NTM: variants seen among roughly 807,000 people sequenced by gnomAD.
NTM encodes neurotrimin.
NTM carries 13 observed loss-of-function variants against 42.1 expected under a neutral mutation model. The observed-to-expected ratio is 0.31, with a 90% CI of 0.20 to 0.49. NTM has a LOEUF of 0.49. Among genes scored for constraint, NTM ranks in the 20% least tolerant of loss-of-function variants. NTM has a pLI of 0.99. For missense variants in NTM, 373 were observed against 452.8 expected (o/e 0.82, Z 1.60); for synonymous variants, 187 against 179.2 (o/e 1.04, Z -0.35).
At chr11:131,460,991 A>G (rs1951323926) in intron 1 of NTM, among the ~76,000 whole-genome samples, 1 of 152,230 alleles carries the variant, frequency 6.6e-6, no homozygotes, top group Non-Finnish European at 1.5e-5. Flanking sequence ...GAGCTTTCTT[A>G]AGCTTGTGCA....
At chr11:131,510,472 T>C (rs1323553934) in intron 1 of NTM, among the ~76,000 whole-genome samples, 1 of 152,196 alleles carries the variant, frequency 6.6e-6, no homozygotes, top group East Asian at 1.9e-4. Context: ...AGGACGGTGC[T>C]TGGAGCCAGA....
At chr11:131,837,253 T>C (rs1461951432) in intron 1 of NTM, among the ~76,000 whole-genome samples, 1 of 152,208 alleles carries the variant, frequency 6.6e-6, no homozygotes, top group Non-Finnish European at 1.5e-5. Flanking sequence ...TTGTCAGGGA[T>C]CAATTCAAAA....
intron 2 of NTM, among the ~76,000 whole-genome samples, chr11:132,052,512 G>T (rs1372236663): frequency 6.6e-6 from 1 of 152,176 alleles, no homozygotes; most frequent in Non-Finnish European, 1.5e-5. Context: ...GGGAGAGTGA[G>T]ATTCAGAGAG....
At chr11:131,856,380 A>C (rs1592304562) in intron 1 of NTM, among the ~76,000 whole-genome samples, 1 of 152,186 alleles carries the variant, frequency 6.6e-6, no homozygotes, top group South Asian at 2.1e-4. Flanking sequence ...TTTTCAACGA[A>C]TAATACTCAT....
intron 1 of NTM, among the ~76,000 whole-genome samples, chr11:131,571,343 A>G (rs1235883587): frequency 6.6e-6 from 1 of 152,214 alleles, no homozygotes; most frequent in Non-Finnish European, 1.5e-5. Flanking sequence ...GACGATTTAC[A>G]TATATTAACA....
At chr11:131,521,020 C>G (rs1167995089) in intron 1 of NTM, among the ~76,000 whole-genome samples, 2 of 152,022 alleles carry the variant, frequency 1.3e-5, no homozygotes. Flanking sequence ...AAGAAGGAAG[C>G]AAGAGAAAGA....
chr11:131,802,798 A>G (rs1339206048), intron 1 of NTM, among the ~76,000 whole-genome samples: 1 of 152,240 alleles, frequency 6.6e-6, no homozygotes, highest in African/African-American at 2.4e-5. Context: ...CGAGAAACAA[A>G]AACTCAGTGT....
intron 2 of NTM, among the ~76,000 whole-genome samples, chr11:131,920,153 G>C (rs911814507): frequency 6.6e-6 from 1 of 152,112 alleles, no homozygotes; most frequent in Non-Finnish European, 1.5e-5. Context: ...CATAGATTTC[G>C]GAGTGCCAGA....
intron 1 of NTM, among the ~76,000 whole-genome samples, chr11:131,747,170 T>C (rs1215018437): frequency 1.3e-5 from 2 of 152,198 alleles, no homozygotes; most frequent in East Asian, 1.9e-4. Context: ...GAAAATGTGC[T>C]TCTCACTACT....
intron 2 of NTM, among the ~76,000 whole-genome samples, chr11:131,938,950 C>T (rs965127355): frequency 1.5e-4 from 23 of 151,984 alleles, no homozygotes; most frequent in African/African-American, 5.6e-4. Flanking sequence ...CAAGAGGACC[C>T]TTAGATACAC....
chr11:131,523,483 TA>T (rs145436109), intron 1 of NTM, among the ~76,000 whole-genome samples: 2,376 of 152,210 alleles, frequency 0.016, 69 homozygotes, highest in African/African-American at 0.054. Flanking sequence ...ATCACTCCTT[TA>T]TGAAGTTTAG....
At chr11:131,758,360 A>G (rs1481052631) in intron 1 of NTM, among the ~76,000 whole-genome samples, 1 of 151,718 alleles carries the variant, frequency 6.6e-6, no homozygotes, top group Non-Finnish European at 1.5e-5. Flanking sequence ...TGTTATTTAC[A>G]TTTGAAAAAG....
rs529823295 is a variant in NTM at position 132,098,735 on chromosome 11, A to G, written c.168-47547A>G. Among the ~76,000 whole-genome samples the G allele has an allele frequency of 4.3e-4, 66 of 152,364 alleles. 2 individuals carry two copies. The highest frequency in any genetic ancestry group is 6.8e-3 in the Middle Eastern group (2 of 294). Reference sequence around the variant, plus strand: ...GGCGTGGTGAACTTGTAGCATCTCTATGTGAATTCCGTCAGGAGATGTAGC... The same window carrying G: ...GGCGTGGTGAACTTGTAGCATCTCTGTGTGAATTCCGTCAGGAGATGTAGC... On this transcript the variant is annotated intron_variant, in intron 2 of 8. Coordinates refer to ENST00000683400, the MANE Select transcript of NTM (RefSeq NM_001352005.2).
At chr11:132,121,188 G>C (rs1410193041) in intron 2 of NTM, among the ~76,000 whole-genome samples, 1 of 152,112 alleles carries the variant, frequency 6.6e-6, no homozygotes, top group Non-Finnish European at 1.5e-5. Context: ...AATCACTAAA[G>C]TTGTCTCAGG....
chr11:131,490,105 A>G (rs1278141083), intron 1 of NTM, among the ~76,000 whole-genome samples: 3 of 152,186 alleles, frequency 2.0e-5, no homozygotes, highest in Non-Finnish European at 2.9e-5. Flanking sequence ...TCTCACAGAA[A>G]CTAATAGTGA....
chr11:132,049,196 G>A (rs1033076066), intron 2 of NTM, among the ~76,000 whole-genome samples: 3 of 152,170 alleles, frequency 2.0e-5, no homozygotes, highest in Admixed American at 2.0e-4. Context: ...AAAGTGAGAC[G>A]GATAGAGCAT....
intron 1 of NTM, among the ~76,000 whole-genome samples, chr11:131,799,372 T>C (rs1416698747): frequency 6.6e-6 from 1 of 152,198 alleles, no homozygotes; most frequent in Admixed American, 6.5e-5. Context: ...TTTGAGCTAA[T>C]GGGCATCTTC....
intron 4 of NTM, among the ~76,000 whole-genome samples, chr11:132,307,458 C>CAGTT (rs1326237228): frequency 6.6e-6 from 1 of 152,124 alleles, no homozygotes; most frequent in Non-Finnish European, 1.5e-5. Context: ...GTGCTTTGTT[C>CAGTT]AGTTAGGAAC....
At chr11:131,608,508 G>A (rs1171839763) in intron 1 of NTM, among the ~76,000 whole-genome samples, 1 of 152,174 alleles carries the variant, frequency 6.6e-6, no homozygotes, top group African/African-American at 2.4e-5. Flanking sequence ...GTCCATGTGA[G>A]GATGTCCCAT....
Sources: allele counts gnomAD v4.1 joint callset (sites outside exome capture counted in the v4.1 genomes callset), GRCh38; gene constraint gnomAD v4.1.1; transcripts MANE v1.5; gene names NCBI Gene and HGNC (gene_info 2026-07-23, HGNC 2026-07-21).